BCKDHB: variants seen among roughly 807,000 people sequenced by gnomAD.
The protein encoded by BCKDHB is branched chain keto acid dehydrogenase E1 subunit beta.
BCKDHB carries 41 observed loss-of-function variants against 48.5 expected under a neutral mutation model. The observed-to-expected ratio is 0.85, with a 90% CI of 0.66 to 1.10. The LOEUF is 1.10. BCKDHB is among the 50% of genes least tolerant of loss of function. The pLI is 0.00. For synonymous variants in BCKDHB, 201 were observed against 174.8 expected, an observed-to-expected ratio of 1.15 and a Z score of -1.18; for missense variants, 496 against 494.2, an observed-to-expected ratio of 1.00 and a Z score of -0.03.
chr6:80,332,605 T>A (rs939479277), intron 9 of BCKDHB, among the ~76,000 whole-genome samples: 11 of 152,044 alleles, frequency 7.2e-5, no homozygotes, highest in African/African-American at 2.7e-4. Context: ...TCAAATTACT[T>A]AGTTACCTAA....
At chr6:80,218,475 G>A (rs1406008759) in intron 8 of BCKDHB, among the ~76,000 whole-genome samples, 1 of 152,042 alleles carries the variant, frequency 6.6e-6, no homozygotes, top group Non-Finnish European at 1.5e-5. Context: ...TTCAATGTCT[G>A]TAACTTTTGA....
intron 9 of BCKDHB, among the ~76,000 whole-genome samples, chr6:80,322,252 T>TTC (rs1554212894): frequency 8.1e-6 from 1 of 122,962 alleles, no homozygotes. Flanking sequence ...TTTTTTTTTT[T>TTC]TTTGGTGACG....
rs146553711 is a variant in BCKDHB, at chr6:80,184,119, T to C, written c.742+12729T>C. On this transcript the variant is annotated intron_variant, in intron 6 of 9. Transcript: ENST00000320393. The stretch of plus-strand genomic sequence containing the variant: ...ATCTGGTAGTAATTGTTTTATAAAT[T>C]TGGGAGCTCCAGTGTTAGATGCATA... Among the ~76,000 whole-genome samples, 3 of 152,246 alleles carry C rather than the reference T, an allele frequency of 2.0e-5. No homozygotes were observed. In the East Asian group the frequency reaches 5.8e-4, roughly 29 times the overall value.
intron 9 of BCKDHB, among the ~76,000 whole-genome samples, chr6:80,297,290 T>C (rs1287706790): frequency 6.6e-6 from 1 of 152,236 alleles, no homozygotes; most frequent in Admixed American, 6.5e-5. Context: ...TTTGAAGATA[T>C]CTTTATTTTG....
At chr6:80,122,911 TATCTC>T (rs973950601) in intron 1 of BCKDHB, among the ~76,000 whole-genome samples, 77 of 152,034 alleles carry the variant, frequency 5.1e-4, no homozygotes, top group African/African-American at 1.8e-3. Context: ...TCTCAGTCCT[TATCTC>T]AACCACATAA....
chr6:80,413,297 A>G, the BCKDHB span, among the ~76,000 whole-genome samples: 1 of 152,080 alleles, frequency 6.6e-6, no homozygotes, highest in Admixed American at 6.6e-5. Context: ...CACTCTCAAC[A>G]TCTTTTTTTA....
intron 1 of BCKDHB, among the ~76,000 whole-genome samples, chr6:80,125,353 C>T: frequency 6.6e-6 from 1 of 152,168 alleles, no homozygotes; most frequent in East Asian, 1.9e-4. Context: ...GTTTTCTATT[C>T]AGACCACTAA....
At chr6:80,229,823 C>T (rs1775833428) in intron 8 of BCKDHB, among the ~76,000 whole-genome samples, 1 of 151,634 alleles carries the variant, frequency 6.6e-6, no homozygotes, top group Non-Finnish European at 1.5e-5. Context: ...CAAAGATATC[C>T]TATTTATAAT....
intron 6 of BCKDHB, among the ~76,000 whole-genome samples, chr6:80,187,918 G>T (rs1333877671): frequency 1.3e-5 from 2 of 152,128 alleles, no homozygotes; most frequent in Admixed American, 6.5e-5. Flanking sequence ...AAGCAGTTTT[G>T]TGTTTTCTCA....
At chr6:80,220,304 G>GTTTTTTTTTTTTTTTTTTTTTTTT (rs56967096) in intron 8 of BCKDHB, among the ~76,000 whole-genome samples, 5 of 60,856 alleles carry the variant, frequency 8.2e-5, no homozygotes, top group Admixed American at 2.5e-4. Context: ...CATGCTATTT[G>GTTTTTTTTTTTTTTTTTTTTTTTT]TTTTTTTTTT....
At chr6:80,182,290 T>C (rs1773448992) in intron 6 of BCKDHB, among the ~76,000 whole-genome samples, 1 of 152,214 alleles carries the variant, frequency 6.6e-6, no homozygotes. Context: ...TGAATTTGTT[T>C]GTATATCTTC....
chr6:80,219,120 A>T (rs1582381850), intron 8 of BCKDHB, among the ~76,000 whole-genome samples: 1 of 150,902 alleles, frequency 6.6e-6, no homozygotes, highest in African/African-American at 2.4e-5. Context: ...AGTTTTAATT[A>T]CCTTTCATTT....
chr6:80,447,060 A>G, the BCKDHB span, among the ~76,000 whole-genome samples: 17 of 152,268 alleles, frequency 1.1e-4, no homozygotes, highest in East Asian at 5.8e-4. Context: ...TATCAGCAAG[A>G]GTGATGAAGC....
At chr6:80,229,491 T>C (rs1775817336) in intron 8 of BCKDHB, among the ~76,000 whole-genome samples, 1 of 152,088 alleles carries the variant, frequency 6.6e-6, no homozygotes, top group Non-Finnish European at 1.5e-5. Context: ...TAAGCAAAGA[T>C]TGTAAGAGAT....
chr6:80,453,706 C>T, the BCKDHB span, among the ~76,000 whole-genome samples: 1 of 152,106 alleles, frequency 6.6e-6, no homozygotes, highest in African/African-American at 2.4e-5. Context: ...GGAGTAGTGT[C>T]GGGTGTGCGA....
chr6:80,406,556 T>C, the BCKDHB span, among the ~76,000 whole-genome samples: 1 of 152,234 alleles, frequency 6.6e-6, no homozygotes, highest in African/African-American at 2.4e-5. Flanking sequence ...TTCTAACTGG[T>C]GTGAGATGGT....
rs568883350 is a variant in BCKDHB at position 80,343,171 on chromosome 6, A to G, written c.1039-493A>G. Among the ~76,000 whole-genome samples, 16 of 152,364 alleles carry G rather than the reference A, an allele frequency of 1.1e-4. No individual in the cohort carries two copies. In the South Asian group the frequency reaches 3.1e-3, roughly 30 times the overall value. On this transcript the variant is annotated intron_variant, in intron 9 of 9. Transcript: ENST00000320393. ...CAGCATTATCTGCAAAAGCTAGACT[A>G]TGAGAGAGATGAGAACACAGTTAAG...
intron 3 of BCKDHB, among the ~76,000 whole-genome samples, chr6:80,161,301 C>T (rs541034320): frequency 8.6e-5 from 13 of 150,982 alleles, no homozygotes; most frequent in Admixed American, 1.3e-4. Context: ...TTTTATACTA[C>T]CTGAGCTAAG....
chr6:80,411,531 A>C, the BCKDHB span, among the ~76,000 whole-genome samples: 1 of 152,240 alleles, frequency 6.6e-6, no homozygotes, highest in African/African-American at 2.4e-5. Context: ...CTGCAGAAGT[A>C]GTCTGCTGGC....
Sources: gnomAD v4.1 joint callset for allele counts (sites outside exome capture counted in the v4.1 genomes callset) on GRCh38, gnomAD v4.1.1 for gene constraint, MANE v1.5 for transcripts, NCBI Gene and HGNC (gene_info 2026-07-23, HGNC 2026-07-21) for gene names.